WASHC2C: variants seen among roughly 807,000 people sequenced by gnomAD.
WASHC2C encodes WASH complex subunit 2C, also known as Vaccinia Penetration Factor.
In WASHC2C, 73 loss-of-function variants were observed where a neutral mutation model predicts 142.2. The observed-to-expected ratio is 0.51, with a 90% CI of 0.43 to 0.62. The LOEUF (loss-of-function observed/expected upper bound fraction) is 0.62. WASHC2C is among the 20% of genes least tolerant of loss of function. The pLI, the probability that WASHC2C is intolerant of heterozygous loss-of-function variation, is 0.00. For missense variants in WASHC2C, 969 were observed against 1,531.7 expected (o/e 0.63, Z 6.13); for synonymous variants, 337 against 565.5 (o/e 0.60, Z 5.73).
At chr10:45,752,062 A>T (rs1421068129) in intron 11 of WASHC2C, among the ~76,000 whole-genome samples, 64 of 152,172 alleles carry the variant, frequency 4.2e-4, no homozygotes, top group Non-Finnish European at 7.8e-4. Flanking sequence ...TAGAGATTTG[A>T]TTTATTAGAT....
rs200659699 is a variant in WASHC2C, at chr10:45,784,311, T to TATATATAC, written c.2479-253_2479-252insTATATACA. Among the ~76,000 whole-genome samples the TATATATAC allele has an allele frequency of 2.7e-3, 156 of 58,116 alleles. 4 individuals carry two copies. Among genetic ancestry groups the TATATATAC allele is most frequent in the South Asian group, 6.6e-3 (9 of 1,366 alleles). The allele number at this position is 58,116 out of a possible 152,430, so 38.1% of individuals were successfully genotyped here. On this transcript the variant is annotated intron_variant, in intron 23 of 30. Coordinates refer to ENST00000623400, the MANE Select transcript of WASHC2C (RefSeq NM_001330074.2). ...ATATACACATATATATATATATATA[T>TATATATAC]ACACACACATATATATATATATGTA...
intron 18 of WASHC2C, among the ~76,000 whole-genome samples, chr10:45,764,351 AAATT>A (rs2055524313): frequency 6.6e-6 from 1 of 151,390 alleles, no homozygotes; most frequent in African/African-American, 2.4e-5. Context: ...ATGTCCAAAA[AAATT>A]TTCAACATAT....
At chr10:45,782,583 C>T (rs2597023) in intron 23 of WASHC2C, among the ~76,000 whole-genome samples, 25,669 of 132,218 alleles carry the variant, frequency 0.19, no homozygotes, top group Middle Eastern at 0.28. Flanking sequence ...CATAAAGCTA[C>T]CACACAATCC....
intron 19 of WASHC2C, among the ~76,000 whole-genome samples, chr10:45,768,145 T>G (rs1271222160): frequency 2.0e-5 from 3 of 150,780 alleles, no homozygotes; most frequent in African/African-American, 7.3e-5. Flanking sequence ...GAGAATCACT[T>G]GAACCCGGGA....
At chr10:45,791,152 T>G (rs1271250242) in intron 30 of WASHC2C, among the ~76,000 whole-genome samples, 12 of 151,950 alleles carry the variant, frequency 7.9e-5, no homozygotes, top group African/African-American at 2.9e-4. Flanking sequence ...ACACATTTCC[T>G]ACTCCCCCCG....
intron 19 of WASHC2C, among the ~76,000 whole-genome samples, chr10:45,768,234 GAAAAAAAAAAA>G (rs1169870861): frequency 9.9e-4 from 76 of 76,488 alleles, no homozygotes; most frequent in Non-Finnish European, 1.5e-3. Flanking sequence ...CTCGAAAAAG[GAAAAAAAAAAA>G]AAAAAAAAAA....
chr10:45,770,118 G>A (rs2056428991), intron 20 of WASHC2C, among the ~76,000 whole-genome samples: 1 of 151,562 alleles, frequency 6.6e-6, no homozygotes, highest in Admixed American at 6.6e-5. Context: ...GCACGCGCCT[G>A]TAGTCCCAGC....
chr10:45,749,332 G>A (rs1458358858), intron 8 of WASHC2C, among the ~76,000 whole-genome samples: 15 of 150,968 alleles, frequency 9.9e-5, no homozygotes, highest in Admixed American at 7.3e-4. Flanking sequence ...CTACTCAGAG[G>A]GCTGAGGCAG....
intron 4 of WASHC2C, among the ~76,000 whole-genome samples, chr10:45,738,974 T>C (rs1554866072): frequency 1.3e-5 from 2 of 152,200 alleles, no homozygotes; most frequent in South Asian, 2.1e-4. Context: ...CCCAAAGTGC[T>C]AGGATTACAG....
Position 45,777,294 on chromosome 10 carries a change from G to T in WASHC2C, c.2164G>T (p.Ala722Ser), listed in dbSNP as rs2057176562. The change falls in exon 22 of 31, where the codon GCA becomes TCA. Residue 722 changes from alanine to serine, a missense_variant. By Grantham distance (99) the Ala-to-Ser change is moderately conservative. Transcript: ENST00000623400. ...ATKKKETVSE[A>S]PPLLFSDEEE... ...GTAGAAAAAAGAGACTGTCTCTGAG[G>T]CACCACCTTTGCTGTTCAGCGATGA... The T allele has an allele frequency of 4.4e-6, 7 of 1,600,012 alleles. No homozygotes were observed. In the Admixed American group the frequency reaches 1.2e-4, roughly 27 times the overall value.
intron 16 of WASHC2C, among the ~76,000 whole-genome samples, chr10:45,758,313 C>G (rs1374556767): frequency 1.3e-5 from 2 of 152,218 alleles, no homozygotes; most frequent in Non-Finnish European, 2.9e-5. Flanking sequence ...ACCCTGTTCT[C>G]TTTTGCCATT....
rs542353899 is a variant in WASHC2C at position 45,738,636 on chromosome 10, A to G, written c.354+591A>G. Among the ~76,000 whole-genome samples, 203 of 152,348 alleles carry G rather than the reference A, an allele frequency of 1.3e-3. 1 individual carries two copies. Among genetic ancestry groups the G allele is most frequent in the Non-Finnish European group, 1.9e-3 (126 of 68,020 alleles). On this transcript the variant is annotated intron_variant, in intron 4 of 30. Transcript: ENST00000623400. The stretch of plus-strand genomic sequence containing the variant: ...CTGTTAGACTAGGAAAAGGGTATTC[A>G]AAACCAGCTATAGTTCTGCCTGTTG...
chr10:45,727,230 G>C, upstream of WASHC2C: 1 of 1,518,798 alleles, frequency 6.6e-7, no homozygotes, highest in Middle Eastern at 2.4e-4. Context: ...TCACGCCCCG[G>C]GCAGCTTGGC....
Position 45,743,477 on chromosome 10 carries a change from A to T in WASHC2C, c.616A>T (p.Ser206Cys). Reference sequence around the variant, plus strand: ...AGATGTAGGTCTTGGAGAGCTGTCCAGTGAAGGTACTTTTCTTCACCAAAT... The same window carrying T: ...AGATGTAGGTCTTGGAGAGCTGTCCTGTGAAGGTACTTTTCTTCACCAAAT... ...QEDVGLGELS[S>C]EEGSVGSDRG... The change falls in exon 6 of 31, where the codon AGT becomes TGT. Residue 206 changes from serine to cysteine, a missense_variant. By Grantham distance (112) the Ser-to-Cys change is moderately radical (BLOSUM62 -1). Coordinates refer to ENST00000623400, the MANE Select transcript of WASHC2C (RefSeq NM_001330074.2). The T allele has an allele frequency of 6.2e-7, 1 of 1,611,706 alleles. No individual in the cohort carries two copies. Among genetic ancestry groups the T allele is most frequent in the Admixed American group, 1.7e-5 (1 of 59,982 alleles).
chr10:45,784,252 G>GTGTGTATA (rs1554888863), intron 23 of WASHC2C, among the ~76,000 whole-genome samples: 1 of 40,736 alleles, frequency 2.5e-5, no homozygotes, highest in African/African-American at 7.7e-5. Flanking sequence ...GTGTGTGTGT[G>GTGTGTATA]TATATATATA....
intron 21 of WASHC2C, among the ~76,000 whole-genome samples, chr10:45,773,769 G>A (rs1272765843): frequency 2.0e-5 from 3 of 152,138 alleles, no homozygotes; most frequent in South Asian, 2.1e-4. Flanking sequence ...CCTTGAGGCC[G>A]TTATACTCCA....
intron 4 of WASHC2C, 69 bp downstream of exon 4, chr10:45,738,114 T>C (rs112248459): frequency 1.9e-6 from 3 of 1,611,082 alleles, no homozygotes; most frequent in African/African-American, 2.7e-5. Context: ...CGATGTGTTA[T>C]GTGGGAACTG....
At chr10:45,727,879 G>A (rs1251043902) in intron 2 of WASHC2C, among the ~76,000 whole-genome samples, 4 of 152,208 alleles carry the variant, frequency 2.6e-5, no homozygotes, top group Admixed American at 2.6e-4. Context: ...TGGGAAACAA[G>A]CCAGTATGTG....
rs1554871214 is a variant in WASHC2C, at chr10:45,746,613, A to AT, written c.702dup (p.Ala235CysfsTer5). 1 of 1,613,504 alleles carries AT rather than the reference A, an allele frequency of 6.2e-7. No homozygotes were observed. Among genetic ancestry groups the AT allele is most frequent in the East Asian group, 2.2e-5 (1 of 44,868 alleles). Reference sequence around the variant, plus strand: ...TTACCCATAAAGGAGTCAGATGAAGATTTTGCCCATCACAGTGACAATGAA... The same window carrying AT: ...TTACCCATAAAGGAGTCAGATGAAGATTTTTGCCCATCACAGTGACAATGAA... On this transcript the variant is annotated frameshift_variant, in exon 8 of 31. Coordinates refer to ENST00000623400, the MANE Select transcript of WASHC2C (RefSeq NM_001330074.2). LOFTEE classifies it high-confidence loss of function.
Sources: gnomAD v4.1 joint callset for allele counts (sites outside exome capture counted in the v4.1 genomes callset) on GRCh38, gnomAD v4.1.1 for gene constraint, MANE v1.5 for transcripts, NCBI Gene and HGNC (gene_info 2026-07-23, HGNC 2026-07-21) for gene names.